Variants in MYO6 observed in about 807,000 individuals in gnomAD.
MYO6 encodes unconventional myosin-VI.
Under a neutral mutation model 178.7 loss-of-function variants are expected in MYO6, and 74 were observed. That is an observed-to-expected ratio of 0.41 (90% confidence interval 0.34 to 0.50). MYO6 has a LOEUF of 0.50. Among genes scored for constraint, MYO6 ranks in the 20% least tolerant of loss-of-function variants. MYO6 has a pLI of 0.09. For synonymous variants in MYO6, 477 were observed against 504.6 expected (o/e 0.95, Z 0.73); for missense variants, 1,330 against 1,547.4 (o/e 0.86, Z 2.36).
chr6:75,877,865 A>G (rs1777688485), intron 20 of MYO6, among the ~76,000 whole-genome samples: 1 of 152,212 alleles, frequency 6.6e-6, no homozygotes, highest in Non-Finnish European at 1.5e-5. Context: ...GTAATTTGTT[A>G]AGCACCATGA....
chr6:75,837,165 G>A (rs1307685122), intron 7 of MYO6, among the ~76,000 whole-genome samples: 1 of 152,010 alleles, frequency 6.6e-6, no homozygotes, highest in East Asian at 1.9e-4. Context: ...AATAATAATG[G>A]TGGTAATAAC....
chr6:75,830,552 G>C lies in MYO6; in HGVS notation c.391+7G>C, dbSNP rs200118487. ...CCTCATGTCTTTGCAATTGGTAAGTGATTTTAAATGTATTTTAATTCTTGT... is the reference window on the plus strand; with the variant it reads ...CCTCATGTCTTTGCAATTGGTAAGTCATTTTAAATGTATTTTAATTCTTGT... On this transcript the variant is annotated splice_region_variant and intron_variant, in intron 5 of 34. Transcript: ENST00000369977. 10 of 1,608,776 alleles carry C rather than the reference G, an allele frequency of 6.2e-6. No homozygotes were observed. The African/African-American group carries it at 8.0e-5, about 13-fold the overall frequency.
intron 23 of MYO6, among the ~76,000 whole-genome samples, chr6:75,885,540 C>T (rs1374849503): frequency 3.9e-5 from 6 of 152,154 alleles, no homozygotes; most frequent in African/African-American, 7.2e-5. Flanking sequence ...GCTCCGCCTC[C>T]CGGGTTCACG....
At chr6:75,763,026 A>G (rs1196818322) in intron 1 of MYO6, among the ~76,000 whole-genome samples, 2 of 124,224 alleles carry the variant, frequency 1.6e-5, no homozygotes, top group African/African-American at 6.0e-5. Flanking sequence ...CTGACCTGTA[A>G]TTTTTTTTTT....
In MYO6 at chr6:75,866,994, A is replaced by C. The variant is rs1247205572; in HGVS notation, c.1833A>C (p.Glu611Asp). 6.2e-7 allele frequency: 1 copy of C among 1,613,774 alleles called. No individual in the cohort carries two copies. Among genetic ancestry groups the C allele is most frequent in the Admixed American group, 1.7e-5 (1 of 60,014 alleles). ...LHMSLESLIC[E>D]SRDKFIRELF... The stretch of plus-strand genomic sequence containing the variant: ...TGTCTCTTGAATCCTTAATATGTGA[A>C]TCCAGAGATAAGTTTATACGGGAAT... Residue 611 changes from glutamate to aspartate, a missense_variant, in exon 18 of 35, where the codon GAA (glutamate) becomes GAC (aspartate). Coordinates refer to ENST00000369977, the MANE Select transcript of MYO6 (RefSeq NM_004999.4).
intron 16 of MYO6, among the ~76,000 whole-genome samples, chr6:75,864,893 A>G (rs1276914385): frequency 2.6e-5 from 4 of 152,232 alleles, no homozygotes; most frequent in African/African-American, 9.6e-5. Flanking sequence ...TGTATGCTAC[A>G]GATGAGACAT....
intron 6 of MYO6, among the ~76,000 whole-genome samples, chr6:75,833,321 ATACT>A (rs1439175062): frequency 6.6e-6 from 1 of 152,230 alleles, no homozygotes; most frequent in African/African-American, 2.4e-5. Context: ...TGGTAAAAAA[ATACT>A]TAAGTAAAAG....
At chr6:75,859,828 T>C (rs2149290909) in intron 14 of MYO6, among the ~76,000 whole-genome samples, 1 of 152,032 alleles carries the variant, frequency 6.6e-6, no homozygotes, top group Non-Finnish European at 1.5e-5. Context: ...GCCGGCTAAT[T>C]TTTATATTTT....
At chr6:75,805,026 T>TA (rs1769923085) in intron 1 of MYO6, among the ~76,000 whole-genome samples, 4 of 126,742 alleles carry the variant, frequency 3.2e-5, no homozygotes, top group Non-Finnish European at 4.8e-5. Context: ...TATATATTTT[T>TA]TTTTTTTTTT....
At chr6:75,855,628 A>G (rs1301424333) in intron 12 of MYO6, among the ~76,000 whole-genome samples, 3 of 152,200 alleles carry the variant, frequency 2.0e-5, no homozygotes, top group Non-Finnish European at 4.4e-5. Context: ...TCTATTAAGC[A>G]GATCTCACTT....
intron 17 of MYO6, 146 bp from the exon 18 acceptor site, chr6:75,866,786 G>A: frequency 9.6e-7 from 1 of 1,042,810 alleles, no homozygotes; most frequent in Non-Finnish European, 1.5e-6. Flanking sequence ...CAGGTGCCCA[G>A]TGTCCACACT....
rs975888532 is a variant in MYO6, at chr6:75,918,460, A to G, written c.*3448A>G. The G allele has an allele frequency of 2.6e-5, 4 of 152,236 alleles. No homozygotes were observed. Among genetic ancestry groups the G allele is most frequent in the African/African-American group, 9.6e-5 (4 of 41,472 alleles). 9.4% of individuals were successfully genotyped at this position (152,236 alleles called of 1,614,324 possible). A position where few individuals can be genotyped will look rare whatever the true frequency, so the allele number is the denominator to read the frequency against. ...AGATCTCTACGAAATTTTAGAATGA[A>G]TAATGTGTAATTTATAGGATCAGAA... On this transcript the variant is annotated 3_prime_UTR_variant, in exon 35 of 35. Coordinates refer to ENST00000369977, the MANE Select transcript of MYO6 (RefSeq NM_004999.4).
At chr6:75,773,809 C>G (rs1206066660) in intron 1 of MYO6, among the ~76,000 whole-genome samples, 1 of 152,210 alleles carries the variant, frequency 6.6e-6, no homozygotes, top group African/African-American at 2.4e-5. Context: ...GTGAACTAAT[C>G]AGGCCTCTTT....
intron 9 of MYO6, among the ~76,000 whole-genome samples, chr6:75,842,964 A>T (rs1774379137): frequency 6.6e-6 from 1 of 152,190 alleles, no homozygotes; most frequent in African/African-American, 2.4e-5. Flanking sequence ...GTGAACCAGG[A>T]GGCCTGATTT....
chr6:75,818,179 C>A (rs1771477775), intron 2 of MYO6, among the ~76,000 whole-genome samples: 1 of 152,032 alleles, frequency 6.6e-6, no homozygotes, highest in South Asian at 2.1e-4. Flanking sequence ...TGCTTTAATT[C>A]TGTACACATG....
At chr6:75,799,171 C>T (rs779714801) in intron 1 of MYO6, among the ~76,000 whole-genome samples, 18 of 152,084 alleles carry the variant, frequency 1.2e-4, no homozygotes, top group African/African-American at 4.1e-4. Context: ...GGTGGATCAC[C>T]GGAGGTCAGG....
chr6:75,827,358 A>G (rs988029655), intron 3 of MYO6, among the ~76,000 whole-genome samples: 12 of 152,214 alleles, frequency 7.9e-5, no homozygotes, highest in Admixed American at 7.2e-4. Flanking sequence ...TAGATGAATG[A>G]TACCTGCATC....
chr6:75,805,021 A>ATATATATATATATATTTT (rs1252912172), intron 1 of MYO6, among the ~76,000 whole-genome samples: 4 of 77,284 alleles, frequency 5.2e-5, no homozygotes, highest in African/African-American at 4.1e-4. Context: ...ATATATATAT[A>ATATATATATATATATTTT]TTTTTTTTTT....
Position 75,855,298 on chromosome 6 carries a change from T to C in MYO6, c.1223+15T>C, listed in dbSNP as rs370716920. ...ACAGTTATAAAGTAAGTTCCTTAAG[T>C]AATTGCACTGCAAAAATTTTGCCTT... On this transcript the variant is annotated intron_variant, in intron 12 of 34. Transcript: ENST00000369977. The C allele has an allele frequency of 1.6e-5, 26 of 1,612,492 alleles. No homozygotes were observed. The highest frequency in any genetic ancestry group is 2.1e-5 in the Non-Finnish European group (25 of 1,178,990).
Sources: allele counts gnomAD v4.1 joint callset (sites outside exome capture counted in the v4.1 genomes callset), GRCh38; gene constraint gnomAD v4.1.1; transcripts MANE v1.5; gene names NCBI Gene and HGNC (gene_info 2026-07-23, HGNC 2026-07-21).